The following ITGB1 variants were observed in gnomAD, a reference collection of about 807,000 sequenced individuals.
ITGB1 encodes integrin beta-1.
Under a neutral mutation model 86.5 loss-of-function variants are expected in ITGB1, and 24 were observed. The ratio of observed to expected loss-of-function variants is 0.28; its 90% confidence interval spans 0.20 to 0.39. The LOEUF is 0.39. Among genes scored for constraint, ITGB1 ranks in the 10% least tolerant of loss-of-function variants. The pLI, the probability that ITGB1 is intolerant of heterozygous loss-of-function variation, is 1.00. For missense variants in ITGB1, 556 were observed against 946.9 expected (o/e 0.59, Z 5.42); for synonymous variants, 323 against 316.8 (o/e 1.02, Z -0.21).
chr10:32,908,665 C>T, intron 14 of ITGB1, 131 bp from the exon 15 acceptor site: 1 of 656,190 alleles, frequency 1.5e-6, no homozygotes. Flanking sequence ...GCTCTTAGAA[C>T]TAACAAGTGA....
chr10:32,953,421 T>C (rs2095046335), intron 1 of ITGB1, among the ~76,000 whole-genome samples: 1 of 151,946 alleles, frequency 6.6e-6, no homozygotes, highest in Non-Finnish European at 1.5e-5. Context: ...ACTGATAGAA[T>C]AAAATGTAAT....
intron 9 of ITGB1, 68 bp from the exon 10 acceptor site, chr10:32,920,453 G>A: frequency 3.6e-6 from 5 of 1,370,698 alleles, no homozygotes; most frequent in South Asian, 2.6e-5. Context: ...TAAAACCAAT[G>A]GATAAACTGC....
intron 12 of ITGB1, 85 bp from the exon 13 acceptor site, chr10:32,911,755 G>A: frequency 6.7e-7 from 1 of 1,485,600 alleles, no homozygotes; most frequent in South Asian, 1.2e-5. Flanking sequence ...AACAACATGT[G>A]AGAAAGTATA....
chr10:32,945,426 G>A (rs952815312), intron 1 of ITGB1, among the ~76,000 whole-genome samples: 6 of 151,820 alleles, frequency 4.0e-5, no homozygotes, highest in African/African-American at 1.2e-4. Context: ...GTGAAACCCC[G>A]TCTCTACTAA....
chr10:32,919,687 T>A (rs2094942676), intron 11 of ITGB1, among the ~76,000 whole-genome samples, 198 bp downstream of exon 11: 1 of 152,104 alleles, frequency 6.6e-6, no homozygotes, highest in African/African-American at 2.4e-5. Flanking sequence ...GTAATCACTT[T>A]AAGAAAAAAA....
chr10:32,917,218 A>G (rs1459193633), intron 11 of ITGB1, among the ~76,000 whole-genome samples: 1 of 152,252 alleles, frequency 6.6e-6, no homozygotes, highest in Non-Finnish European at 1.5e-5. Context: ...CTTAGATGTC[A>G]GACCTAAAAC....
chr10:32,944,782 C>T (rs1646475211), intron 1 of ITGB1: 3 of 746,136 alleles, frequency 4.0e-6, no homozygotes, highest in Non-Finnish European at 4.9e-6. Flanking sequence ...TTCATCCTGC[C>T]AGTGGCTGAG....
At chr10:32,954,604 A>G (rs573333879) in intron 1 of ITGB1, among the ~76,000 whole-genome samples, 29 of 152,358 alleles carry the variant, frequency 1.9e-4, no homozygotes, top group Middle Eastern at 3.4e-3. Flanking sequence ...ATCAACAAAC[A>G]TAATAGTAGA....
intron 1 of ITGB1, among the ~76,000 whole-genome samples, chr10:32,945,960 T>C (rs2095030472): frequency 6.6e-6 from 1 of 152,222 alleles, no homozygotes; most frequent in Non-Finnish European, 1.5e-5. Context: ...GACTCTTCTT[T>C]TGAAAATACA....
At chr10:32,949,766 G>T (rs2095039107) in intron 1 of ITGB1, among the ~76,000 whole-genome samples, 1 of 151,670 alleles carries the variant, frequency 6.6e-6, no homozygotes. Flanking sequence ...ATAAAAGTAT[G>T]GTTTTATATC....
In ITGB1 at chr10:32,910,244, C is replaced by T; in HGVS notation, c.2143G>A (p.Val715Ile). Residue 715 changes from valine to isoleucine, a missense_variant, in exon 14 of 16, where the codon GTT becomes ATT. Val to Ile is a conservative substitution (Grantham distance 29). Around this residue, in one of 4 missense-constraint regions of ITGB1, gnomAD observed 330 missense variants for 531.5 expected, o/e 0.62. Transcript: ENST00000302278. ...YSVNGNNEVM[V>I]HVVENPECPT... is the part of the protein sequence containing the mutation. Reference sequence around the variant, plus strand: ...CTACCTGGATTCTCCACAACATGAACCATGACCTCGTTGTTCCCATTCACT... The same window carrying T: ...CTACCTGGATTCTCCACAACATGAATCATGACCTCGTTGTTCCCATTCACT... The T allele has an allele frequency of 6.2e-7, 1 of 1,604,446 alleles. No homozygotes were observed. Among genetic ancestry groups the T allele is most frequent in the Non-Finnish European group, 8.5e-7 (1 of 1,171,862 alleles).
At chr10:32,954,527 T>C (rs1447694163) in intron 1 of ITGB1, among the ~76,000 whole-genome samples, 1 of 152,182 alleles carries the variant, frequency 6.6e-6, no homozygotes, top group African/African-American at 2.4e-5. Flanking sequence ...TTCAGATACA[T>C]GTACTTCTAC....
rs528163372 is a variant in ITGB1 at position 32,910,743 on chromosome 10, T to C, written c.1932-288A>G. On this transcript the variant is annotated intron_variant, in intron 13 of 15. Coordinates refer to ENST00000302278, the MANE Select transcript of ITGB1 (RefSeq NM_002211.4). ...CCTATCACATATTAAATATGTAACA[T>C]AAAATCATAATAATTTTTTTTTTGC... Among the ~76,000 whole-genome samples, 5 of 151,218 alleles carry C rather than the reference T, an allele frequency of 3.3e-5. No individual in the cohort carries two copies. The South Asian group carries it at 1.0e-3, about 31-fold the overall frequency.
At chr10:32,906,049 TAC>T (rs1321538928) in intron 15 of ITGB1, among the ~76,000 whole-genome samples, 11 of 151,872 alleles carry the variant, frequency 7.2e-5, no homozygotes, top group Non-Finnish European at 5.9e-5. Flanking sequence ...CATTCTCACA[TAC>T]ACACACAGAC....
intron 2 of ITGB1, among the ~76,000 whole-genome samples, chr10:32,933,888 T>C (rs2094992165): frequency 1.3e-5 from 2 of 152,160 alleles, no homozygotes; most frequent in African/African-American, 4.8e-5. Context: ...TATTTCAATA[T>C]AAGTGTACTC....
intron 1 of ITGB1, among the ~76,000 whole-genome samples, chr10:32,939,751 AGTGAGT>A (rs2095013630): frequency 1.4e-5 from 2 of 141,768 alleles, no homozygotes; most frequent in Non-Finnish European, 3.2e-5. Flanking sequence ...TGAGTGAGTG[AGTGAGT>A]GAGTGAGTGA....
intron 6 of ITGB1, among the ~76,000 whole-genome samples, chr10:32,925,058 G>A (rs376834583): frequency 6.6e-6 from 1 of 152,156 alleles, no homozygotes; most frequent in East Asian, 1.9e-4. Context: ...AAAATTGACT[G>A]AAAAATAACC....
rs141505466 is a variant in ITGB1, at chr10:32,911,775, G to A, written c.1709-105C>T. On this transcript the variant is annotated intron_variant, in intron 12 of 15. Transcript: ENST00000302278. Reference sequence around the variant, plus strand: ...CATGTGAGAAAGTATACCTAGGGGCGAGACTGACCCTCAAGCTACCCCTTT... The same window carrying A: ...CATGTGAGAAAGTATACCTAGGGGCAAGACTGACCCTCAAGCTACCCCTTT... 781 of 1,421,312 alleles carry A rather than the reference G, an allele frequency of 5.5e-4. 7 individuals carry two copies. In the African/African-American group the frequency reaches 9.4e-3, roughly 17 times the overall value. 88.0% of individuals were successfully genotyped at this position (1,421,312 alleles called of 1,614,324 possible).
intron 1 of ITGB1, among the ~76,000 whole-genome samples, chr10:32,946,304 G>T (rs2095031167): frequency 6.6e-6 from 1 of 152,196 alleles, no homozygotes; most frequent in Admixed American, 6.5e-5. Flanking sequence ...AATCAATCAT[G>T]ATTCGTAAAC....
Sources: gnomAD v4.1 joint callset for allele counts (sites outside exome capture counted in the v4.1 genomes callset) on GRCh38, gnomAD v4.1.1 for gene constraint, gnomAD v4.1.1 regional missense constraint, MANE v1.5 for transcripts, NCBI Gene and HGNC (gene_info 2026-07-23, HGNC 2026-07-21) for gene names.